Variants in JADE3 observed in about 807,000 individuals in gnomAD.
JADE3 encodes protein Jade-3.
JADE3 carries 2 observed loss-of-function variants against 50.1 expected under a neutral mutation model. That is an observed-to-expected ratio of 0.04 (90% CI 0.02 to 0.13). The LOEUF (loss-of-function observed/expected upper bound fraction) is 0.13, where lower values mean the gene tolerates loss of function less well. Ranked by LOEUF, JADE3 falls within the 10% of genes least tolerant of loss-of-function variation. The pLI is 1.00. For synonymous variants in JADE3, 218 were observed against 232.9 expected, an observed-to-expected ratio of 0.94 and a Z score of 0.58; for missense variants, 475 against 634.4, an observed-to-expected ratio of 0.75 and a Z score of 2.70.
In JADE3 at chrX:46,998,007, GT is replaced by G; in HGVS notation, c.127-110del. The G allele has an allele frequency of 1.0e-5, 6 of 581,350 alleles. No individual in the cohort carries two copies. In the East Asian group the frequency reaches 1.7e-4, roughly 16 times the overall value. 47.9% of individuals were successfully genotyped at this position (581,350 alleles called of 1,213,427 possible). ...TCTGGCCATTTAGGAAGTTAGAGATGTTTCTCTTGTTGGAAGCAGAGTGGAT... is the reference window on the plus strand; with the variant it reads ...TCTGGCCATTTAGGAAGTTAGAGATGTTCTCTTGTTGGAAGCAGAGTGGAT... On this transcript the variant is annotated intron_variant, in intron 3 of 10. Coordinates refer to ENST00000614628, the MANE Select transcript of JADE3 (RefSeq NM_014735.5).
intron 7 of JADE3, 143 bp from the exon 8 acceptor site, chrX:47,038,806 C>T (rs2083696325): frequency 2.2e-6 from 1 of 447,029 alleles, no homozygotes; most frequent in Non-Finnish European, 3.9e-6. Context: ...TTTGTTTATT[C>T]TTGATTCCAT....
At position 47,003,647 on chromosome X, in the gene JADE3, T is replaced by TTA. The variant is rs781997280; in HGVS notation, c.284+5380_284+5381dup. On this transcript the variant is annotated intron_variant, in intron 4 of 10. Transcript: ENST00000614628. ...TTTATATATTTATATAGATATAAAT[T>TTA]TATATATATATTAATTATATATTAT... Among the ~76,000 whole-genome samples the TTA allele has an allele frequency of 4.6e-3, 458 of 100,593 alleles. 3 individuals carry two copies. Among genetic ancestry groups the TTA allele is most frequent in the South Asian group, 0.024 (62 of 2,545 alleles). 87.4% of individuals were successfully genotyped at this position (100,593 alleles called of 115,157 possible).
chrX:46,987,594 A>C (rs1289640869), intron 3 of JADE3, among the ~76,000 whole-genome samples: 1 of 112,244 alleles, frequency 8.9e-6, no homozygotes, highest in Non-Finnish European at 1.9e-5. Context: ...AGAATGTAAG[A>C]GTTTATTTAT....
intron 4 of JADE3, among the ~76,000 whole-genome samples, chrX:47,011,614 A>G (rs987367232): frequency 8.9e-6 from 1 of 111,811 alleles, no homozygotes; most frequent in African/African-American, 3.2e-5. Flanking sequence ...TTGTCAAACT[A>G]TTTTTTATAG....
intron 4 of JADE3, among the ~76,000 whole-genome samples, chrX:47,003,207 T>C (rs1928326437): frequency 9.0e-6 from 1 of 111,500 alleles, no homozygotes; most frequent in Non-Finnish European, 1.9e-5. Flanking sequence ...GCTGGATAGC[T>C]TAAACAACAG....
Position 47,060,872 on chromosome X carries a change from C to A in JADE3, c.*1795C>A, listed in dbSNP as rs782015526. 1.8e-5 allele frequency: 2 copies of A among 112,163 alleles called. No homozygotes were observed. Among genetic ancestry groups the A allele is most frequent in the African/African-American group, 3.3e-5 (1 of 30,769 alleles). The allele number at this position is 112,163 out of a possible 1,213,427, so 9.2% of individuals were successfully genotyped here. ...AAATTCCTTATGTCAGAGGCCAGTG[C>A]GGTAGCCTTTGTCCCTTCATGCCTT... On this transcript the variant is annotated 3_prime_UTR_variant, in exon 11 of 11. Transcript: ENST00000614628.
intron 1 of JADE3, among the ~76,000 whole-genome samples, chrX:46,929,155 A>T (rs1351005298): frequency 2.7e-4 from 30 of 111,364 alleles, no homozygotes; most frequent in Non-Finnish European, 7.5e-5. Flanking sequence ...CAATGTTAAC[A>T]CCAGGAATTT....
At chrX:47,040,442 A>G (rs1556369368) in intron 8 of JADE3, among the ~76,000 whole-genome samples, 1 of 111,725 alleles carries the variant, frequency 9.0e-6, no homozygotes, top group Admixed American at 9.5e-5. Flanking sequence ...ATCTAGGTTG[A>G]GCACTCCTTA....
At chrX:46,926,509 G>A (rs1382435060) in intron 1 of JADE3, among the ~76,000 whole-genome samples, 11 of 112,183 alleles carry the variant, frequency 9.8e-5, no homozygotes, top group Non-Finnish European at 1.9e-4. Context: ...GCCTCCCAAA[G>A]TGCTGGGATT....
chrX:46,994,694 A>G (rs1296286585), intron 3 of JADE3, among the ~76,000 whole-genome samples: 1 of 112,068 alleles, frequency 8.9e-6, no homozygotes, highest in Non-Finnish European at 1.9e-5. Flanking sequence ...CTGTGAACTC[A>G]TATCTCTCTT....
chrX:46,964,611 A>T (rs899179274), intron 1 of JADE3, among the ~76,000 whole-genome samples: 1 of 112,045 alleles, frequency 8.9e-6, no homozygotes, highest in Non-Finnish European at 1.9e-5. Flanking sequence ...TGCTGTGCCT[A>T]TCTGAATTCC....
At chrX:47,010,858 A>C (rs1210764643) in intron 4 of JADE3, among the ~76,000 whole-genome samples, 1 of 111,389 alleles carries the variant, frequency 9.0e-6, no homozygotes, top group Non-Finnish European at 1.9e-5. Context: ...ATTTTTTCAT[A>C]GTTCTAGAGT....
At chrX:47,016,433 A>G (rs1928678054) in intron 4 of JADE3, among the ~76,000 whole-genome samples, 1 of 111,699 alleles carries the variant, frequency 9.0e-6, no homozygotes, top group Non-Finnish European at 1.9e-5. Flanking sequence ...TCTCAGCAGG[A>G]TAGTCTGACT....
intron 1 of JADE3, among the ~76,000 whole-genome samples, chrX:46,958,819 A>G (rs782327711): frequency 7.1e-5 from 8 of 112,168 alleles, no homozygotes; most frequent in African/African-American, 2.6e-4. Context: ...TCTGTAGCCT[A>G]TTGGGAGATC....
chrX:46,958,095 C>T (rs782569068), intron 1 of JADE3, among the ~76,000 whole-genome samples: 1 of 111,736 alleles, frequency 8.9e-6, no homozygotes, highest in African/African-American at 3.3e-5. Context: ...GTTCCCCTCT[C>T]TGGATGCACT....
At chrX:46,924,042 C>T (rs1483384724) in intron 1 of JADE3, among the ~76,000 whole-genome samples, 1 of 111,843 alleles carries the variant, frequency 8.9e-6, no homozygotes, top group African/African-American at 3.3e-5. Flanking sequence ...AGTGGGTATC[C>T]ACCAGTGTTC....
chrX:47,019,668 G>C (rs1928752543), intron 4 of JADE3, among the ~76,000 whole-genome samples: 1 of 112,428 alleles, frequency 8.9e-6, no homozygotes, highest in Non-Finnish European at 1.9e-5. Context: ...AGGAAATGTA[G>C]CATAGTCTGT....
chrX:46,967,434 G>T (rs1468322363), intron 1 of JADE3, among the ~76,000 whole-genome samples: 5 of 111,802 alleles, frequency 4.5e-5, no homozygotes, highest in African/African-American at 1.6e-4. Flanking sequence ...ATAGGGCTAA[G>T]ATAATAGGAG....
At chrX:47,008,817 C>G (rs1928495238) in intron 4 of JADE3, among the ~76,000 whole-genome samples, 1 of 111,076 alleles carries the variant, frequency 9.0e-6, no homozygotes, top group Non-Finnish European at 1.9e-5. Flanking sequence ...GTGATGGACA[C>G]ATTATCTTGG....
Sources: allele counts gnomAD v4.1 joint callset (sites outside exome capture counted in the v4.1 genomes callset), GRCh38; gene constraint gnomAD v4.1.1; transcripts MANE v1.5; gene names NCBI Gene and HGNC (gene_info 2026-07-23, HGNC 2026-07-21).